CDKL1: variants seen among roughly 807,000 people sequenced by gnomAD.
CDKL1 encodes cyclin-dependent kinase-like 1.
A neutral mutation model predicts 42.0 loss-of-function variants in CDKL1; 41 were observed. The ratio of observed to expected loss-of-function variants is 0.98; its 90% confidence interval spans 0.76 to 1.27. The LOEUF (loss-of-function observed/expected upper bound fraction) is 1.27, where lower values mean the gene tolerates loss of function less well. Among genes scored for constraint, CDKL1 ranks in the 50% most tolerant of loss-of-function variants. CDKL1 has a pLI of 0.00. For synonymous variants in CDKL1, 153 were observed against 158.6 expected (o/e 0.96, Z 0.26); for missense variants, 394 against 428.4 (o/e 0.92, Z 0.71).
intron 2 of CDKL1, among the ~76,000 whole-genome samples, chr14:50,384,974 C>T (rs549107707): frequency 5.4e-5 from 8 of 147,878 alleles, no homozygotes; most frequent in Non-Finnish European, 1.2e-4. Context: ...AGGAGACTGA[C>T]GCAGGAGAAT....
chr14:50,345,460 C>A (rs1303612987), intron 3 of CDKL1, among the ~76,000 whole-genome samples: 1 of 152,204 alleles, frequency 6.6e-6, no homozygotes, highest in Admixed American at 6.5e-5. Context: ...TGTTTATTTT[C>A]TCAAGTTGCC....
intron 2 of CDKL1, among the ~76,000 whole-genome samples, chr14:50,381,491 C>T (rs1595364565): frequency 6.6e-6 from 1 of 152,340 alleles, no homozygotes; most frequent in East Asian, 1.9e-4. Flanking sequence ...AAGCCTCACA[C>T]CTGGCTCACG....
chr14:50,344,368 G>A (rs1349945917), intron 4 of CDKL1, among the ~76,000 whole-genome samples: 3 of 152,114 alleles, frequency 2.0e-5, no homozygotes, highest in African/African-American at 4.8e-5. Flanking sequence ...AGCCTTTTGG[G>A]AGTACAAGAC....
intron 2 of CDKL1, among the ~76,000 whole-genome samples, chr14:50,393,215 G>C (rs2139557027): frequency 6.6e-6 from 1 of 152,192 alleles, no homozygotes; most frequent in Non-Finnish European, 1.5e-5. Context: ...CATTCAACAA[G>C]CACCTAAAGA....
chr14:50,385,041 A>G, intron 2 of CDKL1, among the ~76,000 whole-genome samples: 1 of 141,046 alleles, frequency 7.1e-6, no homozygotes, highest in South Asian at 2.4e-4. Flanking sequence ...ACTGCACTTA[A>G]GCCTGGGTGA....
chr14:50,389,663 T>C (rs73277671), intron 2 of CDKL1, among the ~76,000 whole-genome samples: 36,611 of 152,078 alleles, frequency 0.24, 4,680 homozygotes, highest in Middle Eastern at 0.34. Context: ...TTTAGAAGGC[T>C]ATTTTAGCCT....
rs549019382 is a variant in CDKL1 at position 50,390,000 on chromosome 14, C to A, written c.168+5701G>T. On this transcript the variant is annotated intron_variant, in intron 2 of 9. Transcript: ENST00000395834. ...CATTTGTAAAATGGGATAACAATATCTACCTTCTAAGGTTGTTATTAGTGT... is the reference window on the plus strand; with the variant it reads ...CATTTGTAAAATGGGATAACAATATATACCTTCTAAGGTTGTTATTAGTGT... 2.5e-5 allele frequency: 13 copies of A among 523,384 alleles called. No individual in the cohort carries two copies. The East Asian group carries it at 7.1e-4, about 29-fold the overall frequency. 32.4% of individuals were successfully genotyped at this position (523,384 alleles called of 1,614,324 possible). A position where few individuals can be genotyped will look rare whatever the true frequency, so the allele number is the denominator to read the frequency against.
chr14:50,362,139 G>C, intron 2 of CDKL1: 1 of 283,096 alleles, frequency 3.5e-6, no homozygotes, highest in Non-Finnish European at 7.1e-6. Context: ...CTCAGGACCT[G>C]CAGCCTGCCA....
intron 3 of CDKL1, among the ~76,000 whole-genome samples, chr14:50,357,628 C>G (rs1235035212): frequency 6.6e-6 from 1 of 152,202 alleles, no homozygotes; most frequent in African/African-American, 2.4e-5. Flanking sequence ...TGAATAATAT[C>G]TCCCAGGACC....
intron 5 of CDKL1, among the ~76,000 whole-genome samples, 155 bp downstream of exon 5, chr14:50,341,977 C>T (rs1472364048): frequency 6.6e-6 from 1 of 152,164 alleles, no homozygotes; most frequent in Non-Finnish European, 1.5e-5. Context: ...GTATTATCTA[C>T]ACATTTTCGG....
intron 2 of CDKL1, among the ~76,000 whole-genome samples, chr14:50,383,555 A>G (rs2034985089): frequency 1.7e-5 from 1 of 58,956 alleles, no homozygotes. Flanking sequence ...TGTCTCAAAA[A>G]AAAAAAAAAA....
chr14:50,374,494 A>G (rs1566601857), intron 2 of CDKL1, among the ~76,000 whole-genome samples: 1 of 152,354 alleles, frequency 6.6e-6, no homozygotes, highest in East Asian at 1.9e-4. Context: ...ATCTAACTAT[A>G]TTACAAATGT....
At position 50,326,697 on chromosome 14, in the gene CDKL1, A is replaced by AAGGAAAC. The variant is rs2032718312; in HGVS notation, c.*3370_*3376dup. The AAGGAAAC allele has an allele frequency of 1.0e-6, 1 of 985,314 alleles. No homozygotes were observed. The highest frequency in any genetic ancestry group is 1.7e-5 in the African/African-American group (1 of 57,246). The allele number at this position is 985,314 out of a possible 1,614,324, so 61.0% of individuals were successfully genotyped here. A position where few individuals can be genotyped will look rare whatever the true frequency, so the allele number is the denominator to read the frequency against. On this transcript the variant is annotated 3_prime_UTR_variant, in exon 10 of 10. Coordinates refer to ENST00000395834, the MANE Select transcript of CDKL1 (RefSeq NM_004196.7). ...TAGTTTTGCAGATTGCAATATAATA[A>AAGGAAAC]AGGAAACAGTAAAAACTAGTGGGCT...
intron 2 of CDKL1, chr14:50,362,040 C>G (rs1047490590): frequency 4.9e-6 from 1 of 202,444 alleles, no homozygotes; most frequent in African/African-American, 2.4e-5. Flanking sequence ...GGCCCACAAG[C>G]CCCGGGCAGT....
In CDKL1 at chr14:50,396,206, A is replaced by AGAAAG. The variant is rs1566617614; in HGVS notation, c.-339_-338insCTTTC. The AGAAAG allele has an allele frequency of 9.9e-7, 1 of 1,008,168 alleles. No individual in the cohort carries two copies. The highest frequency in any genetic ancestry group is 1.8e-5 in the African/African-American group (1 of 54,258). 62.5% of individuals were successfully genotyped at this position (1,008,168 alleles called of 1,614,324 possible). A position where few individuals can be genotyped will look rare whatever the true frequency, so the allele number is the denominator to read the frequency against. ...GTCTCAAAAAAAAAAAAAAAAAAAA[A>AGAAAG]AAAAAAAGAAAGAAAGAAAAGAAAA... is the stretch of plus-strand genomic sequence containing the variant. On this transcript the variant is annotated 5_prime_UTR_variant, in exon 2 of 10. Transcript: ENST00000395834.
At chr14:50,391,109 A>G (rs2035244995) in intron 2 of CDKL1, among the ~76,000 whole-genome samples, 1 of 152,146 alleles carries the variant, frequency 6.6e-6, no homozygotes, top group Non-Finnish European at 1.5e-5. Context: ...CTGGGATTAC[A>G]AGCGTGAGCC....
chr14:50,335,847 A>G, intron 7 of CDKL1: 1 of 1,283,752 alleles, frequency 7.8e-7, no homozygotes, highest in Non-Finnish European at 1.0e-6. Context: ...CCAATTCTGG[A>G]TTGTACACAT....
intron 8 of CDKL1, chr14:50,332,850 C>A: frequency 1.9e-6 from 1 of 516,616 alleles, no homozygotes; most frequent in Non-Finnish European, 3.4e-6. Flanking sequence ...ATACAGCATA[C>A]AGCAAAGTCT....
intron 2 of CDKL1, among the ~76,000 whole-genome samples, chr14:50,373,508 C>T (rs1158734495): frequency 6.6e-6 from 1 of 152,182 alleles, no homozygotes; most frequent in Non-Finnish European, 1.5e-5. Flanking sequence ...TGTTCTCACA[C>T]ATGGCCAATT....
Sources: allele counts gnomAD v4.1 joint callset (sites outside exome capture counted in the v4.1 genomes callset), GRCh38; gene constraint gnomAD v4.1.1; transcripts MANE v1.5; gene names NCBI Gene and HGNC (gene_info 2026-07-23, HGNC 2026-07-21).